Variants in GRHL2 observed in about 807,000 individuals in gnomAD.
GRHL2 encodes the protein grainyhead like transcription factor 2.
Under a neutral mutation model 83.8 loss-of-function variants are expected in GRHL2, and 21 were observed. The observed-to-expected ratio is 0.25, with a 90% CI of 0.18 to 0.36. The LOEUF is 0.36. Among genes scored for constraint, GRHL2 ranks in the 10% least tolerant of loss-of-function variants. GRHL2 has a pLI of 1.00. For synonymous variants in GRHL2, 280 were observed against 278.9 expected (o/e 1.00, Z -0.04); for missense variants, 623 against 781.8 (o/e 0.80, Z 2.42).
chr8:101,499,227 T>C (rs1404773966), intron 1 of GRHL2, among the ~76,000 whole-genome samples: 1 of 152,252 alleles, frequency 6.6e-6, no homozygotes, highest in Non-Finnish European at 1.5e-5. Context: ...ATTTACTTTT[T>C]AAAAAGTTTT....
At chr8:101,648,604 G>A (rs1010863514) in intron 13 of GRHL2, among the ~76,000 whole-genome samples, 6 of 152,102 alleles carry the variant, frequency 3.9e-5, no homozygotes, top group African/African-American at 1.2e-4. Flanking sequence ...AATGAACAAG[G>A]CCCACAGCAG....
intron 8 of GRHL2, among the ~76,000 whole-genome samples, chr8:101,618,215 T>C (rs1045829637): frequency 1.3e-5 from 2 of 152,202 alleles, no homozygotes; most frequent in African/African-American, 4.8e-5. Flanking sequence ...TGCCATCCAC[T>C]ATTTAAAATG....
At chr8:101,581,268 CTGTT>C (rs780409093) in intron 7 of GRHL2, among the ~76,000 whole-genome samples, 2 of 152,176 alleles carry the variant, frequency 1.3e-5, no homozygotes, top group Non-Finnish European at 2.9e-5. Context: ...GGGTCGTAAA[CTGTT>C]TGGCAGGAGT....
At position 101,666,999 on chromosome 8, in the gene GRHL2, T is replaced by C. The variant is rs1471651414; in HGVS notation, c.*296T>C. 5.9e-6 allele frequency: 3 copies of C among 504,556 alleles called. No individual in the cohort carries two copies. Among genetic ancestry groups the C allele is most frequent in the Non-Finnish European group, 1.1e-5 (3 of 276,166 alleles). The allele number at this position is 504,556 out of a possible 1,614,324, so 31.3% of individuals were successfully genotyped here. On this transcript the variant is annotated 3_prime_UTR_variant, in exon 16 of 16. Coordinates refer to ENST00000646743, the MANE Select transcript of GRHL2 (RefSeq NM_024915.4). ...CCCAGGTCCAGGCCCGCCAGGACTCTGCAGGTCACTGCTAGCTCCAGATGA... is the reference window on the plus strand; with the variant it reads ...CCCAGGTCCAGGCCCGCCAGGACTCCGCAGGTCACTGCTAGCTCCAGATGA...
chr8:101,509,630 C>A (rs1196131878), intron 1 of GRHL2, among the ~76,000 whole-genome samples: 1 of 151,972 alleles, frequency 6.6e-6, no homozygotes, highest in Non-Finnish European at 1.5e-5. Flanking sequence ...TTATGGTTAG[C>A]CTTTTAGATA....
intron 14 of GRHL2, among the ~76,000 whole-genome samples, chr8:101,660,352 C>A (rs1204870428): frequency 2.6e-5 from 4 of 152,192 alleles, no homozygotes; most frequent in Non-Finnish European, 5.9e-5. Flanking sequence ...CCTTGTCACT[C>A]CTCTTTTGCC....
intron 11 of GRHL2, 157 bp from the exon 12 acceptor site, chr8:101,636,724 TACACACACACACACAC>T (rs3029438): frequency 5.0e-5 from 24 of 483,586 alleles, no homozygotes; most frequent in South Asian, 6.0e-5. Flanking sequence ...TCCTTAGAAA[TACACACACACACACAC>T]ACACACACAC....
In GRHL2 at chr8:101,558,666, G is replaced by A; in HGVS notation, c.532G>A (p.Asp178Asn). Residue 178 changes from aspartate (D) to asparagine (N), a missense_variant, in exon 4 of 16, where the codon GAT becomes AAT. Asp to Asn is a conservative substitution (Grantham distance 23). Around this residue, in one of 8 missense-constraint regions of GRHL2, gnomAD observed 239 missense variants for 240.5 expected, o/e 0.99. Coordinates refer to ENST00000646743, the MANE Select transcript of GRHL2 (RefSeq NM_024915.4). ...MAPPVHYPRGDGEEQRVVIFE... is the reference protein window; with the variant it reads ...MAPPVHYPRGNGEEQRVVIFE... ...CCCACCTGTGCACTATCCCCGGGGAGATGGGGAAGAGCAACGAGTGGTTAT... is the reference window on the plus strand; with the variant it reads ...CCCACCTGTGCACTATCCCCGGGGAAATGGGGAAGAGCAACGAGTGGTTAT... 1.2e-6 allele frequency: 2 copies of A among 1,614,186 alleles called. No homozygotes were observed. Among genetic ancestry groups the A allele is most frequent in the Non-Finnish European group, 8.5e-7 (1 of 1,180,026 alleles).
chr8:101,671,447 G>A (rs562045541), downstream of GRHL2, among the ~76,000 whole-genome samples: 1 of 152,306 alleles, frequency 6.6e-6, no homozygotes, highest in South Asian at 2.1e-4. Context: ...CTGCAAGGCG[G>A]CAGCGATGCT....
chr8:101,523,579 G>C (rs1810737513), intron 1 of GRHL2, among the ~76,000 whole-genome samples: 1 of 151,668 alleles, frequency 6.6e-6, no homozygotes, highest in Non-Finnish European at 1.5e-5. Flanking sequence ...GGCCTCAAGT[G>C]ATCCTTCCAC....
intron 4 of GRHL2, among the ~76,000 whole-genome samples, chr8:101,560,002 T>TTTTG (rs1186590757): frequency 6.6e-5 from 10 of 152,208 alleles, no homozygotes; most frequent in East Asian, 1.9e-4. Flanking sequence ...GTTCTTGCTT[T>TTTTG]TTTGTTTGTT....
At chr8:101,671,482 G>T (rs1368532433), downstream of GRHL2, among the ~76,000 whole-genome samples, 2 of 148,814 alleles carry the variant, frequency 1.3e-5, no homozygotes, top group Non-Finnish European at 2.9e-5. Context: ...TGCAAGCTGG[G>T]GGAGGGGCAC....
intron 1 of GRHL2, among the ~76,000 whole-genome samples, chr8:101,496,918 C>T (rs543051): frequency 0.86 from 130,600 of 152,128 alleles, 56,961 homozygotes; most frequent in Non-Finnish European, 0.95. Context: ...TCAGAGATAA[C>T]GGCACCATCA....
chr8:101,506,032 C>G (rs924092984), intron 1 of GRHL2, among the ~76,000 whole-genome samples: 5 of 152,146 alleles, frequency 3.3e-5, no homozygotes, highest in Admixed American at 1.3e-4. Flanking sequence ...GTCATTGTAG[C>G]AAATAGTTCT....
At chr8:101,573,606 T>C (rs1811870743) in intron 5 of GRHL2, 62 bp from the exon 6 acceptor site, 2 of 1,592,930 alleles carry the variant, frequency 1.3e-6, no homozygotes, top group Non-Finnish European at 8.6e-7. Context: ...GATGTGAAAT[T>C]GGTCAAAAGA....
Position 101,521,825 on chromosome 8 carries a change from G to A in GRHL2, c.21-21416G>A, listed in dbSNP as rs373838667. ...AATTTTTTGTTAGCTTTTAGAGAAC[G>A]CTGTGGTAATAAGCTGACTTGAACT... On this transcript the variant is annotated intron_variant, in intron 1 of 15. Coordinates refer to ENST00000646743, the MANE Select transcript of GRHL2 (RefSeq NM_024915.4). Among the ~76,000 whole-genome samples the A allele has an allele frequency of 1.0e-3, 152 of 152,244 alleles. 2 individuals carry two copies. The highest frequency in any genetic ancestry group is 3.2e-3 in the African/African-American group (133 of 41,548).
At chr8:101,572,178 C>T (rs968299671) in intron 5 of GRHL2, among the ~76,000 whole-genome samples, 4 of 152,120 alleles carry the variant, frequency 2.6e-5, no homozygotes, top group Non-Finnish European at 4.4e-5. Context: ...CAGTCTGTGC[C>T]CTAGACAAGA....
In GRHL2 at chr8:101,664,458, C is replaced by T. The variant is rs1008258324; in HGVS notation, c.1703C>T (p.Ser568Phe). The change falls in exon 15 of 16, where the codon TCT becomes TTT. Residue 568 changes from serine (S) to phenylalanine (F), a missense_variant. By Grantham distance (155) the Ser-to-Phe change is radical (BLOSUM62 -2). This residue lies in a region of GRHL2 where 210 missense variants were observed against 254.8 expected (regional missense o/e 0.82). Transcript: ENST00000646743. ...PTVKGLMEAI[S>F]EKYGLPVEKI... The stretch of plus-strand genomic sequence containing the variant: ...TTCTTGTTATTGGTATTACAGATAT[C>T]TGAGAAATATGGGCTGCCCGTGGAG... 2.5e-6 allele frequency: 4 copies of T among 1,613,022 alleles called. No individual in the cohort carries two copies. The highest frequency in any genetic ancestry group is 3.4e-6 in the Non-Finnish European group (4 of 1,179,222).
intron 1 of GRHL2, among the ~76,000 whole-genome samples, chr8:101,516,770 T>A (rs938823673): frequency 6.6e-5 from 10 of 152,218 alleles, no homozygotes; most frequent in African/African-American, 2.4e-4. Flanking sequence ...TGATCTATCA[T>A]TTTACGTATT....
Sources: gnomAD v4.1 joint callset for allele counts (sites outside exome capture counted in the v4.1 genomes callset) on GRCh38, gnomAD v4.1.1 for gene constraint, gnomAD v4.1.1 regional missense constraint, MANE v1.5 for transcripts, NCBI Gene and HGNC (gene_info 2026-07-23, HGNC 2026-07-21) for gene names.